Variants in THSD4 observed in about 807,000 individuals in gnomAD.
THSD4 encodes the protein thrombospondin type-1 domain-containing protein 4.
A neutral mutation model predicts 119.0 loss-of-function variants in THSD4; 69 were observed. That is an observed-to-expected ratio of 0.58 (90% confidence interval 0.48 to 0.71). The LOEUF (loss-of-function observed/expected upper bound fraction) is 0.71, where lower values mean the gene tolerates loss of function less well. THSD4 is among the 30% of genes least tolerant of loss of function. The pLI, the probability that THSD4 is intolerant of heterozygous loss-of-function variation, is 0.00. For missense variants in THSD4, 1,393 were observed against 1,391.1 expected, an observed-to-expected ratio of 1.00 and a Z score of -0.02; for synonymous variants, 524 against 540.4, an observed-to-expected ratio of 0.97 and a Z score of 0.42.
intron 8 of THSD4, among the ~76,000 whole-genome samples, chr15:71,727,880 A>C (rs369048771): frequency 8.3e-4 from 126 of 152,060 alleles, no homozygotes; most frequent in African/African-American, 3.0e-3. Flanking sequence ...AGGGGTAATA[A>C]ACTGAGACTT....
chr15:71,580,937 A>G (rs1219267121), intron 7 of THSD4, among the ~76,000 whole-genome samples: 1 of 151,998 alleles, frequency 6.6e-6, no homozygotes, highest in Non-Finnish European at 1.5e-5. Context: ...CACACACCCC[A>G]TATTCTCTTT....
At chr15:71,206,169 G>T (rs780716277) in intron 3 of THSD4, among the ~76,000 whole-genome samples, 1 of 152,046 alleles carries the variant, frequency 6.6e-6, no homozygotes, top group African/African-American at 2.4e-5. Flanking sequence ...GCACCACCAC[G>T]CCTGGCTAAT....
intron 3 of THSD4, among the ~76,000 whole-genome samples, chr15:71,170,080 G>A (rs1338400380): frequency 6.6e-6 from 1 of 152,084 alleles, no homozygotes; most frequent in Admixed American, 6.5e-5. Flanking sequence ...AAGCTGAAGC[G>A]GGAGAATCTC....
At chr15:71,469,559 C>T (rs775444815) in intron 7 of THSD4, among the ~76,000 whole-genome samples, 8 of 152,182 alleles carry the variant, frequency 5.3e-5, no homozygotes, top group East Asian at 1.9e-4. Context: ...AGCCCCCTTC[C>T]GGCGAAGTGA....
In THSD4 at chr15:71,746,862, G is replaced by A; in HGVS notation, c.2061G>A (p.Glu687=). Residue 687 remains glutamate (E), a synonymous_variant, in exon 13 of 18, where the codon GAG becomes GAA. Coordinates refer to ENST00000261862, the MANE Select transcript of THSD4 (RefSeq NM_024817.3). The stretch of plus-strand genomic sequence containing the variant: ...GCTGGGACATCGGGGAGTGGTCTGA[G>A]TGCAGCAAGACCTGTGGCCTGGGCA... ...PAFWDIGEWS[E]CSKTCGLGMQ... The A allele has an allele frequency of 6.2e-7, 1 of 1,614,068 alleles. No homozygotes were observed. Among genetic ancestry groups the A allele is most frequent in the South Asian group, 1.1e-5 (1 of 91,090 alleles).
chr15:71,688,343 C>A (rs914144059), intron 8 of THSD4, among the ~76,000 whole-genome samples: 2 of 152,192 alleles, frequency 1.3e-5, no homozygotes, highest in Admixed American at 1.3e-4. Context: ...GGGACCCAGA[C>A]TTCACCCTAA....
At chr15:71,389,390 T>C (rs2046340080) in intron 6 of THSD4, among the ~76,000 whole-genome samples, 1 of 152,146 alleles carries the variant, frequency 6.6e-6, no homozygotes, top group East Asian at 1.9e-4. Flanking sequence ...TATTTGTCAT[T>C]GTGTGACTGG....
At chr15:71,612,139 C>T (rs2050242431) in intron 7 of THSD4, among the ~76,000 whole-genome samples, 1 of 152,162 alleles carries the variant, frequency 6.6e-6, no homozygotes, top group African/African-American at 2.4e-5. Flanking sequence ...GAAACACTAG[C>T]TGTGTGGTCA....
intron 7 of THSD4, among the ~76,000 whole-genome samples, chr15:71,585,967 T>A (rs1432830351): frequency 6.6e-6 from 1 of 152,242 alleles, no homozygotes; most frequent in East Asian, 1.9e-4. Flanking sequence ...TCTAATTTTA[T>A]GCATGTATTA....
chr15:71,180,768 G>A (rs936509143), intron 3 of THSD4, among the ~76,000 whole-genome samples: 7 of 152,144 alleles, frequency 4.6e-5, no homozygotes, highest in Non-Finnish European at 8.8e-5. Flanking sequence ...CCAACAGGGG[G>A]TGAGGGTGGC....
chr15:71,527,552 G>A (rs1341140865), intron 7 of THSD4, among the ~76,000 whole-genome samples: 1 of 151,994 alleles, frequency 6.6e-6, no homozygotes, highest in African/African-American at 2.4e-5. Flanking sequence ...GCAAACCACT[G>A]ATCCATTCCC....
intron 8 of THSD4, among the ~76,000 whole-genome samples, chr15:71,694,258 T>C (rs2052117321): frequency 6.6e-6 from 1 of 152,238 alleles, no homozygotes; most frequent in African/African-American, 2.4e-5. Flanking sequence ...TTCAGAATAC[T>C]TGGATTTCTC....
At chr15:71,300,783 T>C (rs996568427) in intron 6 of THSD4, among the ~76,000 whole-genome samples, 1 of 152,114 alleles carries the variant, frequency 6.6e-6, no homozygotes, top group Non-Finnish European at 1.5e-5. Context: ...GATTAAGAAA[T>C]TACAAGCAAG....
rs148342240 is a variant in THSD4 at position 71,122,142 on chromosome 15, C to T, written c.-80+6444C>T. Among the ~76,000 whole-genome samples, 233 of 152,102 alleles carry T rather than the reference C, an allele frequency of 1.5e-3. 1 individual carries two copies. Among genetic ancestry groups the T allele is most frequent in the Middle Eastern group, 6.8e-3 (2 of 294 alleles). ...ACTTTAGCGATATTTTAGTTGAGGC[C>T]CAGGATTTCATTCTGCTTGAAGTTC... On this transcript the variant is annotated intron_variant, in intron 1 of 17. Coordinates refer to ENST00000261862, the MANE Select transcript of THSD4 (RefSeq NM_024817.3).
At chr15:71,620,471 G>A (rs2050401236) in intron 7 of THSD4, among the ~76,000 whole-genome samples, 1 of 151,958 alleles carries the variant, frequency 6.6e-6, no homozygotes, top group Non-Finnish European at 1.5e-5. Context: ...CGGGCATGGT[G>A]GTGCATGCCC....
Position 71,146,869 on chromosome 15 carries a change from C to A in THSD4, c.29+5313C>A, listed in dbSNP as rs149623603. ...TGATTTTTCTTTATGCCTGGCACAG[C>A]CCTGTACCTGGATCCTGTCCTCATC... On this transcript the variant is annotated intron_variant, in intron 2 of 17. Transcript: ENST00000261862. Among the ~76,000 whole-genome samples, 264 of 152,318 alleles carry A rather than the reference C, an allele frequency of 1.7e-3. 1 individual carries two copies. Among genetic ancestry groups the A allele is most frequent in the African/African-American group, 6.2e-3 (259 of 41,558 alleles).
At chr15:71,720,022 C>CTTTTTTTTTTTTTT (rs750020826) in intron 8 of THSD4, among the ~76,000 whole-genome samples, 2 of 114,472 alleles carry the variant, frequency 1.7e-5, no homozygotes, top group Non-Finnish European at 1.6e-5. Flanking sequence ...ATAACATGTG[C>CTTTTTTTTTTTTTT]TTTTTTTTTT....
intron 7 of THSD4, among the ~76,000 whole-genome samples, chr15:71,540,629 A>C (rs551688369): frequency 2.2e-5 from 3 of 136,930 alleles, no homozygotes; most frequent in South Asian, 2.4e-4. Context: ...GGGTTTCACC[A>C]TGTTGGTCAG....
At chr15:71,208,417 C>G (rs556283473) in intron 3 of THSD4, among the ~76,000 whole-genome samples, 11 of 152,338 alleles carry the variant, frequency 7.2e-5, no homozygotes, top group Non-Finnish European at 1.3e-4. Flanking sequence ...GTCTCTTGCA[C>G]AGCCCAAGTT....
Sources: allele counts gnomAD v4.1 joint callset (sites outside exome capture counted in the v4.1 genomes callset), GRCh38; gene constraint gnomAD v4.1.1; transcripts MANE v1.5; gene names NCBI Gene and HGNC (gene_info 2026-07-23, HGNC 2026-07-21).